The following CCDC136 variants were observed in gnomAD, a reference collection of about 807,000 sequenced individuals.
The protein encoded by CCDC136 is coiled-coil domain containing 136.
Under a neutral mutation model 141.2 loss-of-function variants are expected in CCDC136, and 100 were observed. That is an observed-to-expected ratio of 0.71 (90% confidence interval 0.60 to 0.84). The LOEUF (loss-of-function observed/expected upper bound fraction) is 0.84, where lower values mean the gene tolerates loss of function less well. Among genes scored for constraint, CCDC136 ranks in the 40% least tolerant of loss-of-function variants. CCDC136 has a pLI of 0.00. For synonymous variants in CCDC136, 474 were observed against 531.9 expected, an observed-to-expected ratio of 0.89 and a Z score of 1.50; for missense variants, 1,206 against 1,379.4, an observed-to-expected ratio of 0.87 and a Z score of 1.99.
chr7:128,793,414 G>A (rs532981117), intron 1 of CCDC136, among the ~76,000 whole-genome samples: 154 of 152,270 alleles, frequency 1.0e-3, no homozygotes, highest in African/African-American at 3.6e-3. Flanking sequence ...ATGCAGCAGG[G>A]AAAAACAAGG....
intron 17 of CCDC136, among the ~76,000 whole-genome samples, chr7:128,820,307 A>C (rs552011028): frequency 9.8e-5 from 15 of 152,332 alleles, no homozygotes; most frequent in African/African-American, 3.4e-4. Context: ...GATCATAGAA[A>C]ATTCTGTCAA....
chr7:128,804,474 C>T (rs1187138486), intron 4 of CCDC136, among the ~76,000 whole-genome samples, 176 bp from the exon 5 acceptor site: 1 of 152,204 alleles, frequency 6.6e-6, no homozygotes, highest in Non-Finnish European at 1.5e-5. Flanking sequence ...GAAAGACTCA[C>T]TGCACTGTGG....
rs761237807 is a variant in CCDC136, at chr7:128,815,704, GA to G, written c.3143del (p.Lys1048SerfsTer3). ...EEEKKEEMEE[E>X]KKQVKEEAKE... Reference sequence around the variant, plus strand: ...GGAAAAGAAAGAGGAGATGGAGGAGGAAAAAAAGCAAGTGAAAGAGGAAGCA... The same window carrying G: ...GGAAAAGAAAGAGGAGATGGAGGAGGAAAAAAGCAAGTGAAAGAGGAAGCA... On this transcript the variant is annotated frameshift_variant, in exon 16 of 18. Transcript: ENST00000297788. LOFTEE classifies it high-confidence loss of function. 2 of 1,555,288 alleles carry G rather than the reference GA, an allele frequency of 1.3e-6. No homozygotes were observed. The highest frequency in any genetic ancestry group is 1.7e-6 in the Non-Finnish European group (2 of 1,149,108).
chr7:128,798,672 G>A (rs1425688918), intron 3 of CCDC136, among the ~76,000 whole-genome samples: 1 of 152,100 alleles, frequency 6.6e-6, no homozygotes, highest in Non-Finnish European at 1.5e-5. Context: ...AGACTCTAGG[G>A]CCTTTGTCCT....
chr7:128,791,526 C>T (rs1300012096), upstream of CCDC136: 12 of 1,292,522 alleles, frequency 9.3e-6, no homozygotes, highest in South Asian at 5.2e-5. This position sits in a 1 kb window ranked among gnomAD's most constrained non-coding sequence, Gnocchi z 7.1. Flanking sequence ...GCGCGGGAGC[C>T]GCGGGCTGGA....
In CCDC136 at chr7:128,805,930, G is replaced by A. The variant is rs200228896; in HGVS notation, c.1089+29G>A. On this transcript the variant is annotated intron_variant, in intron 7 of 17. Coordinates refer to ENST00000297788, the MANE Select transcript of CCDC136 (RefSeq NM_022742.5). The surrounding 1 kb of genome is among the most constrained non-coding windows in gnomAD (Gnocchi z 4.6). The stretch of plus-strand genomic sequence containing the variant: ...AACACTGCCCGGGGAGGCATCTGGG[G>A]TGGGGGCAGAAGGGCCTCATGGAGG... The A allele has an allele frequency of 3.1e-6, 5 of 1,612,772 alleles. 1 individual carries two copies. The highest frequency in any genetic ancestry group is 2.7e-5 in the African/African-American group (2 of 74,898).
intron 3 of CCDC136, among the ~76,000 whole-genome samples, chr7:128,799,784 C>G (rs1253468730): frequency 6.6e-6 from 1 of 152,114 alleles, no homozygotes; most frequent in African/African-American, 2.4e-5. Flanking sequence ...CCAACCCAAT[C>G]CTCATTAATT....
At chr7:128,807,763 G>A (rs1390547283) in intron 10 of CCDC136, 4 of 353,728 alleles carry the variant, frequency 1.1e-5, no homozygotes, top group African/African-American at 4.2e-5. Flanking sequence ...TTGGATCCCA[G>A]TCTGAACCCC....
In CCDC136 at chr7:128,817,066, C is replaced by T. The variant is rs376805839; in HGVS notation, c.3364-692C>T. On this transcript the variant is annotated intron_variant, in intron 16 of 17. Transcript: ENST00000297788. This position sits in a 1 kb window ranked among gnomAD's most constrained non-coding sequence, Gnocchi z 4.6. ...TCACAGATGTCTTTACCTTCGGTGC[C>T]ACATTTCTAAAGCTAGACCTGATTT... is the stretch of plus-strand genomic sequence containing the variant. 1.2e-4 allele frequency among the ~76,000 whole-genome samples: 19 copies of T among 152,330 alleles called. No individual in the cohort carries two copies. Among genetic ancestry groups the T allele is most frequent in the East Asian group, 9.6e-4 (5 of 5,188 alleles).
intron 3 of CCDC136, among the ~76,000 whole-genome samples, chr7:128,796,273 T>C (rs1450641394): frequency 6.6e-6 from 1 of 152,030 alleles, no homozygotes; most frequent in East Asian, 1.9e-4. Context: ...ACCTGAATAA[T>C]GAAAAGGATC....
At chr7:128,799,268 C>T (rs902189021) in intron 3 of CCDC136, among the ~76,000 whole-genome samples, 1 of 150,906 alleles carries the variant, frequency 6.6e-6, no homozygotes, top group Non-Finnish European at 1.5e-5. Context: ...TGCTTGAGCC[C>T]AGGAAGTCAA....
At chr7:128,810,713 G>A (rs1234081895) in intron 12 of CCDC136, among the ~76,000 whole-genome samples, 1 of 152,218 alleles carries the variant, frequency 6.6e-6, no homozygotes, top group African/African-American at 2.4e-5. Flanking sequence ...TCAGTTTGGT[G>A]TTTGTTTGGA....
intron 15 of CCDC136, 140 bp downstream of exon 15, chr7:128,815,059 C>T: frequency 2.7e-6 from 2 of 735,880 alleles, no homozygotes; most frequent in Non-Finnish European, 4.2e-6. Flanking sequence ...ACAGTGGTTC[C>T]CATCTTAATG....
rs1802672431 is a variant in CCDC136, at chr7:128,794,626, G to C, written c.271+24G>C. ...GGGTGAGTGCCTGGGCCAGGGCCCA[G>C]TGCCCGGGCCCAGAGGCTCTGCACT... On this transcript the variant is annotated intron_variant, in intron 2 of 17. Transcript: ENST00000297788. This position sits in a 1 kb window ranked among gnomAD's most constrained non-coding sequence, Gnocchi z 4.3. The C allele has an allele frequency of 6.5e-7, 1 of 1,531,312 alleles. No homozygotes were observed. The highest frequency in any genetic ancestry group is 2.1e-5 in the Admixed American group (1 of 46,846). 94.9% of individuals were successfully genotyped at this position (1,531,312 alleles called of 1,614,324 possible).
rs1372378145 is a variant in CCDC136 at position 128,814,851 on chromosome 7, G to A, written c.2977G>A (p.Gly993Arg). Reference protein sequence around the residue: ...ANKNMNKNANGVKMKKVTKPC... With the variant: ...ANKNMNKNANRVKMKKVTKPC... ...TAAGAACATGAACAAGAATGCCAAT[G>A]GGGTTAAAATGAAAAAGGTGACCAA... Residue 993 changes from glycine (G) to arginine (R), a missense_variant, in exon 15 of 18, where the codon GGG (glycine) becomes AGG (arginine). Transcript: ENST00000297788. 6.2e-7 allele frequency: 1 copy of A among 1,609,434 alleles called. No individual in the cohort carries two copies. Among genetic ancestry groups the A allele is most frequent in the Non-Finnish European group, 8.5e-7 (1 of 1,177,870 alleles).
rs763216889 is a variant in CCDC136, at chr7:128,805,795, A to G, written c.983A>G (p.Gln328Arg). ...TTGTGTTGTGAGTTGGAAGAGCTAC[A>G]GCATCATCGCCAGGTCAGTGAGGAG... ...QELCCELEEL[Q>R]HHRQVSEEEQ... Residue 328 changes from glutamine to arginine, a missense_variant, in exon 7 of 18, where the codon CAG (glutamine) becomes CGG (arginine). Coordinates refer to ENST00000297788, the MANE Select transcript of CCDC136 (RefSeq NM_022742.5). This position sits in a 1 kb window ranked among gnomAD's most constrained non-coding sequence, Gnocchi z 4.6. The G allele has an allele frequency of 6.2e-7, 1 of 1,613,424 alleles. No individual in the cohort carries two copies. Among genetic ancestry groups the G allele is most frequent in the African/African-American group, 1.3e-5 (1 of 75,046 alleles).
intron 3 of CCDC136, among the ~76,000 whole-genome samples, chr7:128,799,905 A>T (rs1479597819): frequency 6.6e-6 from 1 of 152,210 alleles, no homozygotes; most frequent in South Asian, 2.1e-4. Flanking sequence ...AAACTCTGAG[A>T]TGCTCCATAG....
intron 4 of CCDC136, among the ~76,000 whole-genome samples, chr7:128,803,375 G>T (rs1804338346): frequency 1.3e-5 from 2 of 152,184 alleles, no homozygotes; most frequent in South Asian, 2.1e-4. Context: ...TTAAAAGTGG[G>T]CATGGTGACT....
chr7:128,806,538 G>T, intron 8 of CCDC136, 143 bp downstream of exon 8: 1 of 1,056,842 alleles, frequency 9.5e-7, no homozygotes, highest in Non-Finnish European at 1.4e-6. Flanking sequence ...CTCCAGCCCT[G>T]CTCGAGTACT....
Sources: gnomAD v4.1 joint callset for allele counts (sites outside exome capture counted in the v4.1 genomes callset) on GRCh38, gnomAD v4.1.1 for gene constraint, Gnocchi (gnomAD v3.1) non-coding constraint, MANE v1.5 for transcripts, NCBI Gene and HGNC (gene_info 2026-07-23, HGNC 2026-07-21) for gene names.